MDGA2: variants seen among roughly 807,000 people sequenced by gnomAD.
MDGA2 encodes MAM domain-containing glycosylphosphatidylinositol anchor protein 2.
In MDGA2, 40 loss-of-function variants were observed where a neutral mutation model predicts 117.8. That is an observed-to-expected ratio of 0.34 (90% CI 0.26 to 0.44). MDGA2 has a LOEUF of 0.44. Ranked by LOEUF, MDGA2 falls within the 20% of genes least tolerant of loss-of-function variation. MDGA2 has a pLI of 1.00. For synonymous variants in MDGA2, 452 were observed against 439.0 expected, an observed-to-expected ratio of 1.03 and a Z score of -0.37; for missense variants, 1,123 against 1,250.6, an observed-to-expected ratio of 0.90 and a Z score of 1.54.
chr14:46,887,276 T>G (rs1442187439), intron 10 of MDGA2, among the ~76,000 whole-genome samples: 1 of 151,994 alleles, frequency 6.6e-6, no homozygotes, highest in Admixed American at 6.6e-5. Context: ...AGTAACTATA[T>G]TTAGCCCTAT....
At chr14:47,098,198 G>A (rs1331715892) in intron 5 of MDGA2, among the ~76,000 whole-genome samples, 1 of 146,786 alleles carries the variant, frequency 6.8e-6, no homozygotes, top group East Asian at 2.0e-4. Context: ...TTAGAGTTGA[G>A]GAGTGTTTTA....
intron 8 of MDGA2, among the ~76,000 whole-genome samples, chr14:47,018,326 A>T (rs1888157008): frequency 6.6e-6 from 1 of 152,128 alleles, no homozygotes; most frequent in African/African-American, 2.4e-5. Context: ...AGAGAAGTAA[A>T]GATCTCACTC....
intron 1 of MDGA2, among the ~76,000 whole-genome samples, chr14:47,348,038 G>A (rs1890795982): frequency 6.6e-6 from 1 of 151,966 alleles, no homozygotes; most frequent in South Asian, 2.1e-4. Context: ...AAAGTCAGGA[G>A]TATAAACTTT....
intron 1 of MDGA2, among the ~76,000 whole-genome samples, chr14:47,663,108 G>C (rs938583464): frequency 5.3e-5 from 8 of 152,144 alleles, no homozygotes; most frequent in African/African-American, 1.9e-4. Context: ...CAAGGAACGA[G>C]TTCAGAACTG....
At chr14:47,617,813 G>C (rs1896974552) in intron 1 of MDGA2, among the ~76,000 whole-genome samples, 1 of 152,130 alleles carries the variant, frequency 6.6e-6, no homozygotes, top group African/African-American at 2.4e-5. Flanking sequence ...TGGAGACAGA[G>C]GCAGCTTGAA....
At chr14:47,406,816 G>A (rs567093144) in intron 1 of MDGA2, among the ~76,000 whole-genome samples, 1 of 151,998 alleles carries the variant, frequency 6.6e-6, no homozygotes, top group Admixed American at 6.6e-5. Flanking sequence ...ATAAAGTTTT[G>A]TAAAGTTAGA....
At chr14:46,864,002 T>G (rs1881617566) in intron 14 of MDGA2, among the ~76,000 whole-genome samples, 1 of 152,036 alleles carries the variant, frequency 6.6e-6, no homozygotes, top group Non-Finnish European at 1.5e-5. Flanking sequence ...GCCATGCTGG[T>G]GCGCTGCACC....
chr14:47,329,003 G>C (rs1342800971), intron 1 of MDGA2, among the ~76,000 whole-genome samples: 1 of 152,134 alleles, frequency 6.6e-6, no homozygotes, highest in Non-Finnish European at 1.5e-5. Context: ...AAACTTAATT[G>C]CCTATTTAAT....
At chr14:47,298,683 C>CTTTTTTTTTTTTTT (rs66784813) in intron 2 of MDGA2, among the ~76,000 whole-genome samples, 1 of 126,126 alleles carries the variant, frequency 7.9e-6, no homozygotes, top group Non-Finnish European at 1.6e-5. Flanking sequence ...CTTAATTTTT[C>CTTTTTTTTTTTTTT]TTTTTTTTTT....
chr14:47,061,660 G>A, intron 6 of MDGA2, 82 bp from the exon 7 acceptor site: 1 of 1,160,662 alleles, frequency 8.6e-7, no homozygotes, highest in Non-Finnish European at 1.2e-6. Flanking sequence ...TCATCTCTGA[G>A]CTGAAATAAA....
intron 6 of MDGA2, among the ~76,000 whole-genome samples, chr14:47,086,025 A>G (rs1438540564): frequency 1.3e-5 from 2 of 151,836 alleles, no homozygotes; most frequent in East Asian, 3.9e-4. Flanking sequence ...ATACATTGAA[A>G]TGTTCATGTC....
At position 46,893,345 on chromosome 14, in the gene MDGA2, A is replaced by T. The variant is rs116255020; in HGVS notation, c.2239-11124T>A. 4.5e-3 allele frequency among the ~76,000 whole-genome samples: 688 copies of T among 152,078 alleles called. 2 individuals are homozygous for T. The highest frequency in any genetic ancestry group is 0.016 in the African/African-American group (644 of 41,548). On this transcript the variant is annotated intron_variant, in intron 10 of 16. Coordinates refer to ENST00000399232, the MANE Select transcript of MDGA2 (RefSeq NM_001113498.3). The stretch of plus-strand genomic sequence containing the variant: ...AATAGAACATGGAAAAATGGCTACC[A>T]GGGGTGTAAGTGTGAGGAAAATGGA...
chr14:47,628,546 T>C (rs1201287538), intron 1 of MDGA2, among the ~76,000 whole-genome samples: 1 of 152,232 alleles, frequency 6.6e-6, no homozygotes, highest in African/African-American at 2.4e-5. Flanking sequence ...GAACTGCCTA[T>C]AGAGGGTTCT....
chr14:47,416,088 A>C (rs527976827), intron 1 of MDGA2, among the ~76,000 whole-genome samples: 1 of 152,244 alleles, frequency 6.6e-6, no homozygotes, highest in African/African-American at 2.4e-5. Context: ...TAGCCCCCAA[A>C]GTCTTCATTT....
intron 8 of MDGA2, among the ~76,000 whole-genome samples, chr14:46,991,056 T>C (rs1887076033): frequency 6.6e-6 from 1 of 152,152 alleles, no homozygotes. Context: ...TCCTTCAATA[T>C]GAAATAAGTA....
chr14:46,998,242 G>A (rs969834121), intron 8 of MDGA2, among the ~76,000 whole-genome samples: 6 of 152,052 alleles, frequency 3.9e-5, no homozygotes, highest in Admixed American at 1.3e-4. Flanking sequence ...CCACGAGTTT[G>A]AGACTAGCCT....
intron 8 of MDGA2, among the ~76,000 whole-genome samples, chr14:46,977,633 T>C (rs1886515544): frequency 6.6e-6 from 1 of 151,964 alleles, no homozygotes; most frequent in African/African-American, 2.4e-5. Context: ...CTGATAGTTC[T>C]AATTAAGTCA....
chr14:47,649,772 T>C (rs1243665429), intron 1 of MDGA2, among the ~76,000 whole-genome samples: 1 of 152,112 alleles, frequency 6.6e-6, no homozygotes, highest in Non-Finnish European at 1.5e-5. Context: ...AGAGAAAATA[T>C]GTAATGCTAT....
At chr14:47,123,754 C>T (rs1881764659) in intron 5 of MDGA2, among the ~76,000 whole-genome samples, 1 of 151,960 alleles carries the variant, frequency 6.6e-6, no homozygotes, top group Non-Finnish European at 1.5e-5. Context: ...TGATCATGAA[C>T]TTATTTCAAG....
Sources: gnomAD v4.1 joint callset for allele counts (sites outside exome capture counted in the v4.1 genomes callset) on GRCh38, gnomAD v4.1.1 for gene constraint, MANE v1.5 for transcripts, NCBI Gene and HGNC (gene_info 2026-07-23, HGNC 2026-07-21) for gene names.